Variants in ANKRD30B observed in about 807,000 individuals in gnomAD.
ANKRD30B encodes ankyrin repeat domain-containing protein 30B.
In ANKRD30B, 144 loss-of-function variants were observed where a neutral mutation model predicts 202.2. The observed-to-expected ratio is 0.71, with a 90% CI of 0.62 to 0.82. ANKRD30B has a LOEUF of 0.82. Ranked by LOEUF, ANKRD30B falls within the 40% of genes least tolerant of loss-of-function variation. The probability of loss-of-function intolerance (pLI) is 0.00; values close to 1 mark genes in which losing one functional copy is unlikely to be tolerated. For synonymous variants in ANKRD30B, 508 were observed against 561.3 expected, an observed-to-expected ratio of 0.91 and a Z score of 1.34; for missense variants, 1,487 against 1,669.1, an observed-to-expected ratio of 0.89 and a Z score of 1.90.
At chr18:14,839,628 T>G (rs1020943766) in intron 36 of ANKRD30B, among the ~76,000 whole-genome samples, 1 of 152,234 alleles carries the variant, frequency 6.6e-6, no homozygotes, top group African/African-American at 2.4e-5. Flanking sequence ...AAGTTATGCC[T>G]TAAGAACGAA....
In ANKRD30B at chr18:14,822,644, T is replaced by G. The variant is rs1321108974; in HGVS notation, c.2710T>G (p.Leu904Val). 3.4e-6 allele frequency: 5 copies of G among 1,469,290 alleles called. No homozygotes were observed. The highest frequency in any genetic ancestry group is 2.5e-5 in the East Asian group (1 of 39,954). The allele number at this position is 1,469,290 out of a possible 1,614,324, so 91.0% of individuals were successfully genotyped here. A position where few individuals can be genotyped will look rare whatever the true frequency, so the allele number is the denominator to read the frequency against. Residue 904 changes from leucine (L) to valine (V), a missense_variant, in exon 32 of 44, where the codon TTA (leucine) becomes GTA (valine). By Grantham distance (32) the Leu-to-Val change is conservative. Around this residue, in one of 6 missense-constraint regions of ANKRD30B, gnomAD observed 218 missense variants for 320.1 expected, o/e 0.68. Coordinates refer to ENST00000690538, the MANE Select transcript of ANKRD30B (RefSeq NM_001367607.2). Reference protein sequence around the residue: ...GMKISLPNKALELKDRETFKA... With the variant: ...GMKISLPNKAVELKDRETFKA... Reference sequence around the variant, plus strand: ...GAAAATTTCTCTTCCAAATAAAGCCTTAGAATTGAAGGACAGAGAAACATT... The same window carrying G: ...GAAAATTTCTCTTCCAAATAAAGCCGTAGAATTGAAGGACAGAGAAACATT...
intron 8 of ANKRD30B, among the ~76,000 whole-genome samples, chr18:14,770,123 T>TC (rs1273755889): frequency 6.6e-6 from 1 of 152,140 alleles, no homozygotes; most frequent in Non-Finnish European, 1.5e-5. Context: ...AGTCTTTTTT[T>TC]CTTCTTCCAT....
At chr18:14,785,014 T>TTG (rs890380567) in intron 14 of ANKRD30B, among the ~76,000 whole-genome samples, 3 of 151,668 alleles carry the variant, frequency 2.0e-5, no homozygotes, top group East Asian at 1.9e-4. Flanking sequence ...GTGTTTGTGT[T>TTG]TGTGTGTGTG....
chr18:14,805,197 A>C (rs1969432228), intron 24 of ANKRD30B, among the ~76,000 whole-genome samples: 1 of 151,010 alleles, frequency 6.6e-6, no homozygotes, highest in African/African-American at 2.4e-5. Context: ...AAACCTCATT[A>C]GCGAATAACA....
rs946720944 is a variant in ANKRD30B at position 14,753,076 on chromosome 18, G to A, written c.510+64G>A. 14 of 1,305,664 alleles carry A rather than the reference G, an allele frequency of 1.1e-5. No individual in the cohort carries two copies. The Admixed American group carries it at 3.4e-4, about 32-fold the overall frequency. The allele number at this position is 1,305,664 out of a possible 1,614,324, so 80.9% of individuals were successfully genotyped here. On this transcript the variant is annotated intron_variant, in intron 3 of 43. Transcript: ENST00000690538. ...TCCATTTGTTTTAATGTTAACATATGTAAGGCTTTTATATTTGGAAACACA... is the reference window on the plus strand; with the variant it reads ...TCCATTTGTTTTAATGTTAACATATATAAGGCTTTTATATTTGGAAACACA...
chr18:14,793,983 T>C (rs999259865), intron 16 of ANKRD30B, among the ~76,000 whole-genome samples: 1 of 152,148 alleles, frequency 6.6e-6, no homozygotes, highest in African/African-American at 2.4e-5. Flanking sequence ...ATCATAATAA[T>C]TATAGATGTC....
intron 9 of ANKRD30B, among the ~76,000 whole-genome samples, 160 bp from the exon 10 acceptor site, chr18:14,777,825 C>T (rs1967473400): frequency 1.3e-5 from 2 of 151,766 alleles, no homozygotes; most frequent in South Asian, 4.2e-4. Flanking sequence ...TGCCTGTAGT[C>T]CCAGCTACTC....
chr18:14,835,729 A>G (rs1398007037), intron 34 of ANKRD30B, among the ~76,000 whole-genome samples: 4 of 151,832 alleles, frequency 2.6e-5, no homozygotes, highest in African/African-American at 9.7e-5. Flanking sequence ...TTGAGCTAGT[A>G]TTATATTGTT....
chr18:14,766,472 C>CAAAAAAAAAAAAA (rs1168681924), intron 7 of ANKRD30B, among the ~76,000 whole-genome samples: 7 of 55,588 alleles, frequency 1.3e-4, no homozygotes, highest in Non-Finnish European at 1.9e-4. Flanking sequence ...GACTCCATCT[C>CAAAAAAAAAAAAA]AAAAAAAAAA....
the ANKRD30B span, among the ~76,000 whole-genome samples, chr18:14,907,143 G>A: frequency 7.9e-5 from 12 of 152,102 alleles, no homozygotes. Context: ...CTGTGTTGAT[G>A]TTAATGCTGG....
At chr18:14,894,821 CA>C in the ANKRD30B span, among the ~76,000 whole-genome samples, 1 of 148,856 alleles carries the variant, frequency 6.7e-6, no homozygotes, top group Non-Finnish European at 1.5e-5. Context: ...TACATATATG[CA>C]AAAAATATAT....
chr18:14,791,012 A>G lies in ANKRD30B; in HGVS notation c.1735-389A>G, dbSNP rs543034219. Among the ~76,000 whole-genome samples the G allele has an allele frequency of 6.6e-5, 10 of 152,300 alleles. No individual in the cohort carries two copies. The South Asian group carries it at 8.3e-4, about 13-fold the overall frequency. On this transcript the variant is annotated intron_variant, in intron 15 of 43. Transcript: ENST00000690538. Reference sequence around the variant, plus strand: ...TCTGGAAGAATTCGGCTGTAAATCCATCTGGTCCTGGACTCTTTTTGGTTG... The same window carrying G: ...TCTGGAAGAATTCGGCTGTAAATCCGTCTGGTCCTGGACTCTTTTTGGTTG...
Position 14,796,423 on chromosome 18 carries a change from T to A in ANKRD30B, c.1927+8T>A, listed in dbSNP as rs1429457402. The A allele has an allele frequency of 3.9e-6, 6 of 1,541,746 alleles. No individual in the cohort carries two copies. In the South Asian group the frequency reaches 6.1e-5, roughly 16 times the overall value. ...GAGAAACATTCAAAGCAGGTAAATT[T>A]TGTAATTTAACTTTTAATCTGTAAT... On this transcript the variant is annotated splice_region_variant and intron_variant, in intron 18 of 43. Transcript: ENST00000690538.
chr18:14,898,947 A>T, the ANKRD30B span, among the ~76,000 whole-genome samples: 1 of 152,180 alleles, frequency 6.6e-6, no homozygotes, highest in East Asian at 1.9e-4. Context: ...TTATTTACTT[A>T]AAATAAGTAT....
chr18:14,791,348 T>C (rs1429676811), intron 15 of ANKRD30B, 53 bp from the exon 16 acceptor site: 33 of 1,465,746 alleles, frequency 2.3e-5, no homozygotes, highest in Non-Finnish European at 2.9e-5. Flanking sequence ...TTTGATACTC[T>C]TCATTACTAG....
chr18:14,883,553 G>A, the ANKRD30B span: 1 of 149,732 alleles, frequency 6.7e-6, no homozygotes, highest in South Asian at 2.1e-4. Flanking sequence ...TTCTCAGACG[G>A]TCTTGGGTAA....
chr18:14,822,575 A>G lies in ANKRD30B; in HGVS notation c.2671-30A>G, dbSNP rs555060076. On this transcript the variant is annotated intron_variant, in intron 31 of 43. Transcript: ENST00000690538. ...TTATTTTATGAAGTATACATTATAT[A>G]GTAATTATTGTGTTTCCAAACCCAT... 2.1e-3 allele frequency: 2,279 copies of G among 1,093,004 alleles called. 5 individuals are homozygous for G. The highest frequency in any genetic ancestry group is 2.3e-3 in the Non-Finnish European group (1,668 of 736,856). The allele number at this position is 1,093,004 out of a possible 1,614,324, so 67.7% of individuals were successfully genotyped here.
chr18:14,766,472 C>CAAAAAAAAAAAAAAAAAAAAA (rs1168681924), intron 7 of ANKRD30B, among the ~76,000 whole-genome samples: 46 of 55,590 alleles, frequency 8.3e-4, no homozygotes, highest in Admixed American at 1.4e-3. Context: ...GACTCCATCT[C>CAAAAAAAAAAAAAAAAAAAAA]AAAAAAAAAA....
chr18:14,868,340 G>T, the ANKRD30B span, among the ~76,000 whole-genome samples: 1 of 152,290 alleles, frequency 6.6e-6, no homozygotes, highest in South Asian at 2.1e-4. Context: ...TCTCTGGAGG[G>T]TGCCCTCCTT....
Sources: gnomAD v4.1 joint callset for allele counts (sites outside exome capture counted in the v4.1 genomes callset) on GRCh38, gnomAD v4.1.1 for gene constraint, gnomAD v4.1.1 regional missense constraint, MANE v1.5 for transcripts, NCBI Gene and HGNC (gene_info 2026-07-23, HGNC 2026-07-21) for gene names.